Variants in ATP2C2 observed in about 807,000 individuals in gnomAD.
ATP2C2 encodes ATPase secretory pathway Ca2+ transporting 2, also known as calcium-transporting ATPase type 2C member 2.
ATP2C2 carries 171 observed loss-of-function variants against 110.8 expected under a neutral mutation model. That is an observed-to-expected ratio of 1.54 (90% confidence interval 1.36 to 1.75). The LOEUF is 1.75. Among genes scored for constraint, ATP2C2 ranks in the 40% most tolerant of loss-of-function variants. The pLI, the probability that ATP2C2 is intolerant of heterozygous loss-of-function variation, is 0.00. For synonymous variants in ATP2C2, 804 were observed against 508.4 expected (o/e 1.58, Z -7.82); for missense variants, 1,963 against 1,235.0 (o/e 1.59, Z -8.84).
intron 26 of ATP2C2, 110 bp downstream of exon 26, chr16:84,462,239 C>A: frequency 7.1e-7 from 1 of 1,414,770 alleles, no homozygotes; most frequent in Non-Finnish European, 9.6e-7. Flanking sequence ...GAAAGCAGAG[C>A]TCACCAGGGG....
Position 84,446,148 on chromosome 16 carries a change from C to CT in ATP2C2, c.1402-167dup, listed in dbSNP as rs34605094. On this transcript the variant is annotated intron_variant, in intron 15 of 26. Transcript: ENST00000262429. ...TCTGCCCTTCAGCCAAGAGAAGAGA[C>CT]TTTTTTTTTTTTTTCTAGGTGGGAC... is the stretch of plus-strand genomic sequence containing the variant. 3.3e-3 allele frequency among the ~76,000 whole-genome samples: 472 copies of CT among 143,476 alleles called. 4 individuals carry two copies. Among genetic ancestry groups the CT allele is most frequent in the African/African-American group, 7.6e-3 (298 of 39,362 alleles). The allele number at this position is 143,476 out of a possible 152,430, so 94.1% of individuals were successfully genotyped here.
Position 84,422,995 on chromosome 16 carries a change from A to T in ATP2C2, c.844-193A>T, listed in dbSNP as rs776795996. 2.0e-5 allele frequency among the ~76,000 whole-genome samples: 3 copies of T among 152,142 alleles called. No homozygotes were observed. Among genetic ancestry groups the T allele is most frequent in the Non-Finnish European group, 4.4e-5 (3 of 68,036 alleles). On this transcript the variant is annotated intron_variant, in intron 9 of 26. Coordinates refer to ENST00000262429, the MANE Select transcript of ATP2C2 (RefSeq NM_014861.4). The stretch of plus-strand genomic sequence containing the variant: ...TCAAACACGTAAGACATTTGTTAGC[A>T]TTTTGATAAAGATACAGCTTTCAGA...
In ATP2C2 at chr16:84,398,500, T is replaced by A. The variant is rs768553075; in HGVS notation, c.101T>A (p.Ile34Asn). 1 of 1,605,640 alleles carries A rather than the reference T, an allele frequency of 6.2e-7. No homozygotes were observed. Among genetic ancestry groups the A allele is most frequent in the Non-Finnish European group, 8.5e-7 (1 of 1,176,872 alleles). The change falls in exon 2 of 27, where the codon ATT becomes AAT. Residue 34 changes from isoleucine to asparagine, a missense_variant and splice_region_variant. Transcript: ENST00000262429. ...ALEKDEEEAL[I>N]DEQSELKAIE... is the part of the protein sequence containing the mutation. ...ACAGCAACCCTGCTCTTTTCACAGA[T>A]TGATGAACAGAGTGAGCTGAAAGCC...
At chr16:84,372,504 G>A (rs914333005) in intron 1 of ATP2C2, among the ~76,000 whole-genome samples, 2 of 152,088 alleles carry the variant, frequency 1.3e-5, no homozygotes, top group Non-Finnish European at 2.9e-5. Context: ...CATGGTCTTG[G>A]CTCACTGCAA....
intron 1 of ATP2C2, among the ~76,000 whole-genome samples, chr16:84,382,482 T>C (rs1910635711): frequency 6.6e-6 from 1 of 152,210 alleles, no homozygotes; most frequent in Admixed American, 6.5e-5. Flanking sequence ...CCCTGCCTTT[T>C]GCCATCTCTC....
At chr16:84,399,158 G>C (rs1025275702) in intron 2 of ATP2C2, among the ~76,000 whole-genome samples, 14 of 152,214 alleles carry the variant, frequency 9.2e-5, no homozygotes, top group African/African-American at 3.4e-4. Flanking sequence ...GTGCACACGT[G>C]CGTGCACGTG....
Position 84,460,646 on chromosome 16 carries a change from C to A in ATP2C2, c.2334-8C>A, listed in dbSNP as rs72806651. ...CATTTCAAAGTGTCTGTGTCTTGTT[C>A]GGAGCAGCTTGGGGGTAGAGCCCGT... On this transcript the variant is annotated splice_polypyrimidine_tract_variant and splice_region_variant and intron_variant, in intron 23 of 26. Coordinates refer to ENST00000262429, the MANE Select transcript of ATP2C2 (RefSeq NM_014861.4). 7.4e-6 allele frequency: 12 copies of A among 1,613,940 alleles called. No homozygotes were observed. In the South Asian group the frequency reaches 9.9e-5, roughly 13 times the overall value.
In ATP2C2 at chr16:84,461,806, C is replaced by A. The variant is rs373892850; in HGVS notation, c.2574C>A (p.Arg858=). 86 of 1,613,792 alleles carry A rather than the reference C, an allele frequency of 5.3e-5. No individual in the cohort carries two copies. The East Asian group carries it at 1.2e-3, about 23-fold the overall frequency. The stretch of plus-strand genomic sequence containing the variant: ...ATCTCTTCAACGCCTTGACCTGCCG[C>A]TCTCAGGTGAGACCCGGGCTGACCC... ...FFDLFNALTC[R]SQTKLIFEIG... Residue 858 remains arginine, a synonymous_variant, in exon 25 of 27, where the codon CGC becomes CGA. Coordinates refer to ENST00000262429, the MANE Select transcript of ATP2C2 (RefSeq NM_014861.4).
intron 1 of ATP2C2, among the ~76,000 whole-genome samples, chr16:84,384,022 C>G (rs1272329161): frequency 6.6e-6 from 1 of 152,076 alleles, no homozygotes; most frequent in African/African-American, 2.4e-5. Flanking sequence ...CTCCTGAGCT[C>G]AAGCAATCCT....
At position 84,463,828 on chromosome 16, in the gene ATP2C2, C is replaced by A; in HGVS notation, c.*96C>A. 1 of 1,078,418 alleles carries A rather than the reference C, an allele frequency of 9.3e-7. No homozygotes were observed. The highest frequency in any genetic ancestry group is 1.4e-6 in the Non-Finnish European group (1 of 717,282). 66.8% of individuals were successfully genotyped at this position (1,078,418 alleles called of 1,614,324 possible). A position where few individuals can be genotyped will look rare whatever the true frequency, so the allele number is the denominator to read the frequency against. On this transcript the variant is annotated 3_prime_UTR_variant, in exon 27 of 27. Coordinates refer to ENST00000262429, the MANE Select transcript of ATP2C2 (RefSeq NM_014861.4). Reference sequence around the variant, plus strand: ...CTCGTCAGGGGAGACTTTTAGGAGGCCGCAGCCTTCCATCACCGGATCAGT... The same window carrying A: ...CTCGTCAGGGGAGACTTTTAGGAGGACGCAGCCTTCCATCACCGGATCAGT...
chr16:84,382,247 G>T, intron 1 of ATP2C2, among the ~76,000 whole-genome samples: 1 of 152,026 alleles, frequency 6.6e-6, no homozygotes, highest in Middle Eastern at 3.4e-3. Context: ...TTGGTTTTCT[G>T]TTCCTGTGTT....
chr16:84,440,896 C>T lies in ATP2C2; in HGVS notation c.1249C>T (p.Leu417Phe), dbSNP rs1191752800. Residue 417 changes from leucine to phenylalanine, a missense_variant, in exon 14 of 27, where the codon CTT (leucine) becomes TTT (phenylalanine). Transcript: ENST00000262429. ...VGYDGQGTVCLLPSKEVIKEF... is the reference protein window; with the variant it reads ...VGYDGQGTVCFLPSKEVIKEF... ...GTATGACGGTCAAGGGACTGTGTGT[C>T]TTCTACCATCCAAGGAAGTCATTAA... The T allele has an allele frequency of 1.9e-6, 3 of 1,613,654 alleles. No individual in the cohort carries two copies. The highest frequency in any genetic ancestry group is 2.2e-5 in the East Asian group (1 of 44,888).
Position 84,422,496 on chromosome 16 carries a change from A to G in ATP2C2, c.731A>G (p.Asn244Ser). 3 of 1,614,146 alleles carry G rather than the reference A, an allele frequency of 1.9e-6. No homozygotes were observed. The highest frequency in any genetic ancestry group is 2.5e-6 in the Non-Finnish European group (3 of 1,180,028). The change falls in exon 8 of 27, where the codon AAC (asparagine) becomes AGC (serine). Residue 244 changes from asparagine (N) to serine (S), a missense_variant. Transcript: ENST00000262429. ...TGGGDLTTLS[N>S]IVFMGTLVQY... ...GGTGGGGACCTCACCACCCTCAGCAACATCGTCTTCATGGGGACCCTGGTG... is the reference window on the plus strand; with the variant it reads ...GGTGGGGACCTCACCACCCTCAGCAGCATCGTCTTCATGGGGACCCTGGTG...
intron 23 of ATP2C2, chr16:84,459,695 G>A (rs117324337): frequency 0.019 from 20,455 of 1,101,564 alleles, 208 homozygotes; most frequent in Middle Eastern, 0.031. Context: ...CTGCCTTCAG[G>A]AAGTCTTCCC....
At chr16:84,461,502 C>A (rs1911333495) in intron 24 of ATP2C2, 2 of 617,742 alleles carry the variant, frequency 3.2e-6, no homozygotes, top group East Asian at 2.7e-5. Flanking sequence ...CTGCCCCCAT[C>A]CTCATGGTGG....
In ATP2C2 at chr16:84,410,706, G is replaced by A. The variant is rs1219245942; in HGVS notation, c.456G>A (p.Glu152=). The part of the protein sequence containing the change: ...LVVVTVAFIQ[E]YRSEKSLEEL... Reference sequence around the variant, plus strand: ...ACATCTGATGTGCTTCCTGCCAGGAGTACAGGTCGGAGAAATCTCTGGAAG... The same window carrying A: ...ACATCTGATGTGCTTCCTGCCAGGAATACAGGTCGGAGAAATCTCTGGAAG... Residue 152 remains glutamate, a splice_region_variant and synonymous_variant, in exon 6 of 27, where the codon GAG becomes GAA. Transcript: ENST00000262429. The A allele has an allele frequency of 6.2e-7, 1 of 1,614,174 alleles. No homozygotes were observed. The highest frequency in any genetic ancestry group is 8.5e-7 in the Non-Finnish European group (1 of 1,180,008).
At chr16:84,379,831 G>T (rs1469026186) in intron 1 of ATP2C2, among the ~76,000 whole-genome samples, 2 of 152,164 alleles carry the variant, frequency 1.3e-5, no homozygotes, top group African/African-American at 4.8e-5. Flanking sequence ...AATTCCTCCA[G>T]TGAGTATATA....
At chr16:84,456,422 A>C (rs1910792981) in intron 21 of ATP2C2, among the ~76,000 whole-genome samples, 2 of 151,340 alleles carry the variant, frequency 1.3e-5, no homozygotes, top group African/African-American at 4.9e-5. Flanking sequence ...TTCCCTTTGA[A>C]AACTGGCACA....
chr16:84,436,893 G>A (rs1246906414), intron 11 of ATP2C2, among the ~76,000 whole-genome samples: 1 of 151,728 alleles, frequency 6.6e-6, no homozygotes, highest in Non-Finnish European at 1.5e-5. Flanking sequence ...CTCCCGAGTA[G>A]CTGGGATTAC....
Sources: gnomAD v4.1 joint callset for allele counts (sites outside exome capture counted in the v4.1 genomes callset) on GRCh38, gnomAD v4.1.1 for gene constraint, MANE v1.5 for transcripts, NCBI Gene and HGNC (gene_info 2026-07-23, HGNC 2026-07-21) for gene names.